The following RAP1A variants were observed in gnomAD, a reference collection of about 807,000 sequenced individuals.
RAP1A encodes ras-related protein Rap-1A.
Under a neutral mutation model 26.4 loss-of-function variants are expected in RAP1A, and 6 were observed. The ratio of observed to expected loss-of-function variants is 0.23; its 90% confidence interval spans 0.12 to 0.45. The LOEUF (loss-of-function observed/expected upper bound fraction) is 0.45, where lower values mean the gene tolerates loss of function less well. RAP1A is among the 20% of genes least tolerant of loss of function. The pLI, the probability that RAP1A is intolerant of heterozygous loss-of-function variation, is 0.99. For missense variants in RAP1A, 121 were observed against 217.2 expected (o/e 0.56, Z 2.78); for synonymous variants, 73 against 79.4 (o/e 0.92, Z 0.43).
chr1:111,610,115 C>T (rs114062197), intron 1 of RAP1A, among the ~76,000 whole-genome samples: 444 of 152,256 alleles, frequency 2.9e-3, no homozygotes, highest in African/African-American at 0.01. Flanking sequence ...TAAGACTCAC[C>T]CCCTCACTCT....
chr1:111,586,479 A>G (rs1658366219), intron 1 of RAP1A, among the ~76,000 whole-genome samples: 1 of 152,226 alleles, frequency 6.6e-6, no homozygotes, highest in Non-Finnish European at 1.5e-5. Context: ...GCTACTCAGG[A>G]GGCTGAGGTG....
chr1:111,656,168 T>G (rs1323655086), intron 1 of RAP1A, among the ~76,000 whole-genome samples: 1 of 151,874 alleles, frequency 6.6e-6, no homozygotes, highest in East Asian at 1.9e-4. Context: ...TATTGCAATA[T>G]CTGTTAAAAT....
At chr1:111,607,519 C>T (rs1423002769) in intron 1 of RAP1A, among the ~76,000 whole-genome samples, 2 of 152,218 alleles carry the variant, frequency 1.3e-5, no homozygotes, top group East Asian at 3.9e-4. Context: ...TCTCAATGAG[C>T]TGTTGGGTAC....
At chr1:111,631,527 T>C (rs539812345) in intron 1 of RAP1A, among the ~76,000 whole-genome samples, 1 of 152,358 alleles carries the variant, frequency 6.6e-6, no homozygotes, top group South Asian at 2.1e-4. Context: ...AAAGTAATTA[T>C]GTAATTTGTG....
chr1:111,716,132 G>C lies in RAP1A; in HGVS notation c.*3731G>C, dbSNP rs1258988070. 1 of 152,210 alleles carries C rather than the reference G, an allele frequency of 6.6e-6. No individual in the cohort carries two copies. The highest frequency in any genetic ancestry group is 2.4e-5 in the African/African-American group (1 of 41,448). The allele number at this position is 152,210 out of a possible 1,614,324, so 9.4% of individuals were successfully genotyped here. ...TTTGGATTTTGTACTTATTTAAGGT[G>C]CTAAATATGTGTTAAAATATCCCCT... On this transcript the variant is annotated 3_prime_UTR_variant, in exon 8 of 8. Coordinates refer to ENST00000369709, the MANE Select transcript of RAP1A (RefSeq NM_002884.4).
intron 1 of RAP1A, among the ~76,000 whole-genome samples, chr1:111,635,945 C>T (rs2101111039): frequency 6.6e-6 from 1 of 152,204 alleles, no homozygotes; most frequent in Non-Finnish European, 1.5e-5. Context: ...CCATGTATCC[C>T]CTATTTTGGT....
chr1:111,571,265 T>C (rs950636119), intron 1 of RAP1A, among the ~76,000 whole-genome samples: 1 of 152,330 alleles, frequency 6.6e-6, no homozygotes, highest in South Asian at 2.1e-4. Flanking sequence ...GTTTCCACAC[T>C]CTGTCCAGGT....
At chr1:111,623,089 C>G (rs968845380) in intron 1 of RAP1A, among the ~76,000 whole-genome samples, 1 of 152,036 alleles carries the variant, frequency 6.6e-6, no homozygotes, top group Non-Finnish European at 1.5e-5. Flanking sequence ...GCAATCTTGG[C>G]TCACTGCAAC....
intron 1 of RAP1A, among the ~76,000 whole-genome samples, chr1:111,643,925 C>T (rs147999997): frequency 8.1e-4 from 124 of 152,344 alleles, no homozygotes; most frequent in East Asian, 5.4e-3. Context: ...CAACACATTG[C>T]AGATTCTGTA....
intron 1 of RAP1A, among the ~76,000 whole-genome samples, chr1:111,674,757 G>T (rs1661072985): frequency 6.6e-6 from 1 of 152,088 alleles, no homozygotes; most frequent in South Asian, 2.1e-4. Context: ...TAGCTTATCA[G>T]TTATGGAGTC....
chr1:111,624,283 T>G (rs1659321934), intron 1 of RAP1A, among the ~76,000 whole-genome samples: 1 of 152,250 alleles, frequency 6.6e-6, no homozygotes, highest in African/African-American at 2.4e-5. Flanking sequence ...CTTTAGTATG[T>G]TACTGAGACA....
At chr1:111,578,748 C>G (rs1006376205) in intron 1 of RAP1A, among the ~76,000 whole-genome samples, 11 of 152,176 alleles carry the variant, frequency 7.2e-5, no homozygotes, top group African/African-American at 2.7e-4. Flanking sequence ...TTCTATCTAC[C>G]TGGATATAGC....
rs755453730 is a variant in RAP1A, at chr1:111,703,425, C to T, written c.273C>T (p.Asn91=). ...CTATTACAGCTCAGTCCACGTTTAA[C>T]GACTTACAGGACCTGAGGGAACAGA... is the stretch of plus-strand genomic sequence containing the variant. ...VYSITAQSTF[N]DLQDLREQIL... is the part of the protein sequence containing the mutation. The change falls in exon 5 of 8, where the codon AAC becomes AAT. Residue 91 remains asparagine (N), a synonymous_variant. Transcript: ENST00000369709. The T allele has an allele frequency of 1.7e-5, 28 of 1,606,976 alleles. No homozygotes were observed. Among genetic ancestry groups the T allele is most frequent in the Middle Eastern group, 1.6e-4 (1 of 6,064 alleles).
chr1:111,601,801 G>A (rs138584398), intron 1 of RAP1A, among the ~76,000 whole-genome samples: 6 of 152,226 alleles, frequency 3.9e-5, no homozygotes, highest in Non-Finnish European at 8.8e-5. Context: ...TCATGGGATC[G>A]CTGGAGGGTT....
intron 1 of RAP1A, among the ~76,000 whole-genome samples, chr1:111,646,200 C>A (rs1221202414): frequency 6.6e-6 from 1 of 152,026 alleles, no homozygotes; most frequent in Non-Finnish European, 1.5e-5. Flanking sequence ...TTGATAGAAC[C>A]CTTAGTAAAT....
chr1:111,607,178 G>T (rs1164256981), intron 1 of RAP1A, among the ~76,000 whole-genome samples: 2 of 151,414 alleles, frequency 1.3e-5, no homozygotes, highest in African/African-American at 4.9e-5. Flanking sequence ...GCCTTCCGCA[G>T]TGTTTGTGTC....
At chr1:111,625,378 A>G (rs1419547060) in intron 1 of RAP1A, among the ~76,000 whole-genome samples, 2 of 152,090 alleles carry the variant, frequency 1.3e-5, no homozygotes, top group African/African-American at 4.8e-5. Flanking sequence ...AAAAAGAGGC[A>G]CAAAGAACTG....
At chr1:111,662,392 C>T (rs577592786) in intron 1 of RAP1A, among the ~76,000 whole-genome samples, 1 of 58,890 alleles carries the variant, frequency 1.7e-5, no homozygotes, top group South Asian at 7.2e-4. Context: ...GAGACTCCAT[C>T]TCAAAAAAAA....
rs533973096 is a variant in RAP1A, at chr1:111,590,358, T to C, written c.-28+47849T>C. On this transcript the variant is annotated intron_variant, in intron 1 of 7. Transcript: ENST00000356415. ...CTTGTCTTATTCTTGACTTAAAGAA[T>C]GCTTCTAACAAATATTTAACCATTA... 2.6e-5 allele frequency among the ~76,000 whole-genome samples: 4 copies of C among 152,350 alleles called. No homozygotes were observed. In the South Asian group the frequency reaches 8.3e-4, roughly 32 times the overall value.
Sources: gnomAD v4.1 joint callset for allele counts (sites outside exome capture counted in the v4.1 genomes callset) on GRCh38, gnomAD v4.1.1 for gene constraint, MANE v1.5 for transcripts, NCBI Gene and HGNC (gene_info 2026-07-23, HGNC 2026-07-21) for gene names.